Variants in CORO7 observed in about 807,000 individuals in gnomAD.
CORO7 encodes coronin 7.
A neutral mutation model predicts 126.6 loss-of-function variants in CORO7; 107 were observed. The ratio of observed to expected loss-of-function variants is 0.85; its 90% CI spans 0.72 to 0.99. CORO7 has a LOEUF of 0.99. Among genes scored for constraint, CORO7 ranks in the 50% least tolerant of loss-of-function variants. CORO7 has a pLI of 0.00. For synonymous variants in CORO7, 603 were observed against 536.8 expected, an observed-to-expected ratio of 1.12 and a Z score of -1.70; for missense variants, 1,314 against 1,255.8, an observed-to-expected ratio of 1.05 and a Z score of -0.70.
At chr16:4,398,436 G>T (rs140483252) in intron 6 of CORO7, among the ~76,000 whole-genome samples, 2 of 152,300 alleles carry the variant, frequency 1.3e-5, no homozygotes, top group Non-Finnish European at 2.9e-5. Flanking sequence ...AGCCAAGGCT[G>T]GGGGGAATCA....
At chr16:4,399,925 T>G (rs1413251730) in intron 6 of CORO7, among the ~76,000 whole-genome samples, 1 of 152,198 alleles carries the variant, frequency 6.6e-6, no homozygotes, top group Non-Finnish European at 1.5e-5. Context: ...AAAAATACAT[T>G]GCTAAGTTAA....
chr16:4,380,146 C>T (rs1447624636), intron 9 of CORO7, among the ~76,000 whole-genome samples: 1 of 152,026 alleles, frequency 6.6e-6, no homozygotes, highest in Non-Finnish European at 1.5e-5. Flanking sequence ...AGCCAGTGTC[C>T]CCACCTGAGC....
intron 7 of CORO7, among the ~76,000 whole-genome samples, chr16:4,394,529 G>A (rs918134532): frequency 2.0e-5 from 3 of 151,244 alleles, no homozygotes; most frequent in African/African-American, 2.4e-5. Context: ...CGCCCCTCGC[G>A]CAGACCCCTC....
Position 4,365,509 on chromosome 16 carries a change from G to T in CORO7, c.822C>A (p.Leu274=). 1 of 1,577,996 alleles carries T rather than the reference G, an allele frequency of 6.3e-7. No individual in the cohort carries two copies. The highest frequency in any genetic ancestry group is 8.6e-7 in the Non-Finnish European group (1 of 1,162,242). The change falls in exon 10 of 28, where the codon CTC becomes CTA. Residue 274 remains leucine, a synonymous_variant. Transcript: ENST00000251166. ...LVPLLDPDSG[L]LVLAGKGERQ... ...CACTCACCTTTCCTGCCAGGACCAG[G>T]AGCCCAGAGTCAGGGTCCAGCAGAG...
chr16:4,411,100 T>C (rs1172299496), intron 3 of CORO7, among the ~76,000 whole-genome samples: 1 of 152,174 alleles, frequency 6.6e-6, no homozygotes, highest in Non-Finnish European at 1.5e-5. Flanking sequence ...ATAAGAATCA[T>C]CAGGCTCTTT....
At chr16:4,386,655 GC>G (rs1293498576) in intron 9 of CORO7, among the ~76,000 whole-genome samples, 1 of 152,192 alleles carries the variant, frequency 6.6e-6, no homozygotes, top group Non-Finnish European at 1.5e-5. Context: ...GCTGAGGGCA[GC>G]CCTGACTCTG....
At chr16:4,374,369 G>C (rs2141223750) in intron 9 of CORO7, among the ~76,000 whole-genome samples, 1 of 152,274 alleles carries the variant, frequency 6.6e-6, no homozygotes, top group South Asian at 2.1e-4. Flanking sequence ...GGCTGGAGGA[G>C]GCTCCCTCAG....
chr16:4,382,903 A>G, intron 9 of CORO7: 1 of 1,500,238 alleles, frequency 6.7e-7, no homozygotes, highest in Non-Finnish European at 8.9e-7. Context: ...CATCTAAGCC[A>G]GAGAGAGACA....
chr16:4,401,684 G>A (rs1465337968), intron 6 of CORO7, among the ~76,000 whole-genome samples: 1 of 152,184 alleles, frequency 6.6e-6, no homozygotes, highest in Non-Finnish European at 1.5e-5. Context: ...AGAGCAAGTA[G>A]AGATCAAGGA....
At chr16:4,364,561 G>A (rs2054285686) in intron 13 of CORO7, 36 bp downstream of exon 13, 9 of 1,538,822 alleles carry the variant, frequency 5.8e-6, no homozygotes, top group African/African-American at 1.4e-5. Flanking sequence ...CAGGGACTCG[G>A]GGAGGCTGGG....
At chr16:4,401,565 G>A (rs778668922) in intron 6 of CORO7, among the ~76,000 whole-genome samples, 4 of 152,214 alleles carry the variant, frequency 2.6e-5, no homozygotes, top group Non-Finnish European at 2.9e-5. Context: ...AGAGAGAGGA[G>A]GATGAGAGAC....
At chr16:4,381,367 C>T in intron 9 of CORO7, 1 of 1,593,360 alleles carries the variant, frequency 6.3e-7, no homozygotes, top group Non-Finnish European at 8.5e-7. Flanking sequence ...GCGGGCACTG[C>T]CCCCGCTGCG....
At chr16:4,359,145 T>C in intron 23 of CORO7, 151 bp downstream of exon 23, 1 of 807,012 alleles carries the variant, frequency 1.2e-6, no homozygotes, top group Non-Finnish European at 1.9e-6. Flanking sequence ...GCAGCAACTC[T>C]TCTTGCCAGT....
intron 23 of CORO7, 29 bp downstream of exon 23, chr16:4,359,267 T>G (rs1045839238): frequency 6.4e-7 from 1 of 1,568,646 alleles, no homozygotes; most frequent in Non-Finnish European, 8.6e-7. Flanking sequence ...TGTGGTCCCA[T>G]CGGGGACGAG....
intron 25 of CORO7, 103 bp from the exon 26 acceptor site, chr16:4,357,362 T>A (rs1217656525): frequency 1.6e-6 from 2 of 1,267,526 alleles, no homozygotes; most frequent in Non-Finnish European, 2.1e-6. Flanking sequence ...TTTCTTTTTT[T>A]TTTTTTTTTT....
In CORO7 at chr16:4,358,817, C is replaced by G. The variant is rs557984672; in HGVS notation, c.2341-334G>C. 3.0e-3 allele frequency: 965 copies of G among 324,382 alleles called. 5 individuals are homozygous for G. Among genetic ancestry groups the G allele is most frequent in the Middle Eastern group, 0.025 (29 of 1,174 alleles). 20.1% of individuals were successfully genotyped at this position (324,382 alleles called of 1,614,324 possible). On this transcript the variant is annotated intron_variant, in intron 23 of 27. Transcript: ENST00000251166. ...CCAACACAGAAACATGTGACCTCAG[C>G]ACAAATAATAGTAAAATTGGATAAA...
intron 7 of CORO7, among the ~76,000 whole-genome samples, chr16:4,392,703 G>C (rs545879728): frequency 1.3e-5 from 2 of 152,318 alleles, no homozygotes; most frequent in African/African-American, 4.8e-5. Context: ...CCTCTCCCTC[G>C]AGCCGGCCCC....
intron 9 of CORO7, among the ~76,000 whole-genome samples, chr16:4,384,266 C>G (rs903876189): frequency 6.6e-6 from 1 of 152,216 alleles, no homozygotes; most frequent in Non-Finnish European, 1.5e-5. Flanking sequence ...AGGGATGTGC[C>G]CAGGCTTTCT....
At chr16:4,407,996 C>T (rs528250763) in intron 4 of CORO7, among the ~76,000 whole-genome samples, 185 bp downstream of exon 4, 11 of 152,292 alleles carry the variant, frequency 7.2e-5, no homozygotes, top group Admixed American at 5.9e-4. Context: ...GTCAGAGCCA[C>T]GGCTCCAAGC....
Sources: gnomAD v4.1 joint callset for allele counts (sites outside exome capture counted in the v4.1 genomes callset) on GRCh38, gnomAD v4.1.1 for gene constraint, MANE v1.5 for transcripts, NCBI Gene and HGNC (gene_info 2026-07-23, HGNC 2026-07-21) for gene names.